The following SPEF2 variants were observed in gnomAD, a reference collection of about 807,000 sequenced individuals.
SPEF2 encodes sperm flagellar and cilia associated 2.
SPEF2 carries 187 observed loss-of-function variants against 224.6 expected under a neutral mutation model. The observed-to-expected ratio is 0.83, with a 90% CI of 0.74 to 0.94. The LOEUF is 0.94. SPEF2 is among the 40% of genes least tolerant of loss of function. The pLI, the probability that SPEF2 is intolerant of heterozygous loss-of-function variation, is 0.00. For synonymous variants in SPEF2, 715 were observed against 707.3 expected (o/e 1.01, Z -0.17); for missense variants, 2,170 against 2,135.6 (o/e 1.02, Z -0.32).
intron 2 of SPEF2, among the ~76,000 whole-genome samples, chr5:35,635,796 CAT>C (rs1436018772): frequency 6.6e-6 from 1 of 152,160 alleles, no homozygotes; most frequent in African/African-American, 2.4e-5. Flanking sequence ...GCTTCAGCCT[CAT>C]AGAGTGTTTA....
At chr5:35,726,856 T>C (rs1346263576) in intron 20 of SPEF2, among the ~76,000 whole-genome samples, 1 of 152,194 alleles carries the variant, frequency 6.6e-6, no homozygotes, top group East Asian at 1.9e-4. Context: ...AGGTTGTTCA[T>C]ACCATAGGGC....
intron 24 of SPEF2, among the ~76,000 whole-genome samples, chr5:35,758,195 T>A (rs1750720378): frequency 6.6e-6 from 1 of 152,172 alleles, no homozygotes; most frequent in Admixed American, 6.5e-5. Context: ...TAGATAAGGC[T>A]TTGAACATTA....
chr5:35,631,436 A>T (rs866020841), intron 2 of SPEF2, among the ~76,000 whole-genome samples: 4 of 152,204 alleles, frequency 2.6e-5, no homozygotes, highest in African/African-American at 7.2e-5. Flanking sequence ...ACCCACTAGG[A>T]TGGCTATAGG....
intron 8 of SPEF2, among the ~76,000 whole-genome samples, chr5:35,660,871 A>C (rs1749598878): frequency 6.6e-6 from 1 of 152,150 alleles, no homozygotes; most frequent in Non-Finnish European, 1.5e-5. Flanking sequence ...GAGGACCGGA[A>C]CAGTTGGGCC....
intron 34 of SPEF2, among the ~76,000 whole-genome samples, chr5:35,803,700 T>C (rs1357181160): frequency 1.3e-5 from 2 of 152,240 alleles, no homozygotes; most frequent in Non-Finnish European, 2.9e-5. Flanking sequence ...TGGGCAACCC[T>C]GTCCCAGGAA....
At chr5:35,668,109 A>T (rs1372692640) in intron 9 of SPEF2, among the ~76,000 whole-genome samples, 1 of 152,174 alleles carries the variant, frequency 6.6e-6, no homozygotes, top group Non-Finnish European at 1.5e-5. Context: ...GCAATTTCTT[A>T]AAAAGCAGAA....
Position 35,779,311 on chromosome 5 carries a change from GTCT to G in SPEF2, c.4415_4417del (p.Leu1472del). 6.2e-7 allele frequency: 1 copy of G among 1,612,870 alleles called. No individual in the cohort carries two copies. The highest frequency in any genetic ancestry group is 8.5e-7 in the Non-Finnish European group (1 of 1,179,604). On this transcript the variant is annotated inframe_deletion, in exon 30 of 37. Transcript: ENST00000356031. ...ACCCTGACCATTGAACAGCTTGACAGTCTTCGAGATCAGTTCTTAGATATGGCA... is the reference window on the plus strand; with the variant it reads ...ACCCTGACCATTGAACAGCTTGACAGTCGAGATCAGTTCTTAGATATGGCA...
At chr5:35,632,517 C>G (rs1745281006) in intron 2 of SPEF2, among the ~76,000 whole-genome samples, 1 of 152,120 alleles carries the variant, frequency 6.6e-6, no homozygotes, top group African/African-American at 2.4e-5. Flanking sequence ...GATTGCAGTT[C>G]AAGATGAGAT....
chr5:35,784,111 C>A (rs1254973942), intron 30 of SPEF2, among the ~76,000 whole-genome samples: 1 of 151,832 alleles, frequency 6.6e-6, no homozygotes, highest in Admixed American at 6.6e-5. Context: ...TCTTTGAACC[C>A]CTTTTGGAGA....
rs981503911 is a variant in SPEF2 at position 35,807,871 on chromosome 5, C to G, written c.5379+618C>G. 4.8e-5 allele frequency: 72 copies of G among 1,489,756 alleles called. No individual in the cohort carries two copies. In the African/African-American group the frequency reaches 9.0e-4, roughly 19 times the overall value. 92.3% of individuals were successfully genotyped at this position (1,489,756 alleles called of 1,614,324 possible). ...ATGGCGAGTCCCAGGCCTTTAACAG[C>G]AGGGACTAAGGAGGGCAGAGGCTGA... On this transcript the variant is annotated intron_variant, in intron 36 of 36. Transcript: ENST00000356031.
At chr5:35,754,938 A>G (rs1034119980) in intron 24 of SPEF2, among the ~76,000 whole-genome samples, 4 of 152,256 alleles carry the variant, frequency 2.6e-5, no homozygotes, top group Admixed American at 2.6e-4. Context: ...CTTTTCATCA[A>G]AGGACCAATA....
intron 26 of SPEF2, among the ~76,000 whole-genome samples, chr5:35,770,008 TGTGTGTGTGTGTGTGCATGTGC>T (rs1202285100): frequency 2.2e-5 from 3 of 138,200 alleles, no homozygotes; most frequent in Non-Finnish European, 4.5e-5. Context: ...TGTGTGTGTG[TGTGTGTGTGTGTGTGCATGTGC>T]GTGTGTGTGT....
intron 18 of SPEF2, 69 bp from the exon 19 acceptor site, chr5:35,708,879 C>G: frequency 7.3e-7 from 1 of 1,366,040 alleles, no homozygotes; most frequent in Admixed American, 2.2e-5. Flanking sequence ...TTAGATTTCT[C>G]TTAGTTCAAG....
chr5:35,654,251 C>A (rs1748636894), intron 6 of SPEF2, among the ~76,000 whole-genome samples: 1 of 147,842 alleles, frequency 6.8e-6, no homozygotes. Context: ...AAGAGCAAAA[C>A]TTTATCTCAA....
In SPEF2 at chr5:35,641,432, G is replaced by A; in HGVS notation, c.163G>A (p.Val55Ile). The A allele has an allele frequency of 6.2e-7, 1 of 1,611,588 alleles. No homozygotes were observed. Among genetic ancestry groups the A allele is most frequent in the Non-Finnish European group, 8.5e-7 (1 of 1,178,898 alleles). The change falls in exon 3 of 37, where the codon GTT (valine) becomes ATT (isoleucine). Residue 55 changes from valine to isoleucine, a missense_variant and splice_region_variant. Coordinates refer to ENST00000356031, the MANE Select transcript of SPEF2 (RefSeq NM_024867.4). ...TATGTAAAATATTTTACTGTCCAGG[G>A]TTTCAAGTGCCAAACTTAATAATTT... Reference protein sequence around the residue: ...DDFSEFLDSRVSSAKLNNFSR... With the variant: ...DDFSEFLDSRISSAKLNNFSR...
intron 14 of SPEF2, 68 bp from the exon 15 acceptor site, chr5:35,697,622 T>G: frequency 7.8e-7 from 1 of 1,282,726 alleles, no homozygotes; most frequent in Non-Finnish European, 1.1e-6. Flanking sequence ...AATTAACTTT[T>G]CCTCCAAATG....
intron 20 of SPEF2, among the ~76,000 whole-genome samples, chr5:35,717,087 C>T (rs192784663): frequency 2.0e-5 from 3 of 152,118 alleles, no homozygotes; most frequent in South Asian, 2.1e-4. Context: ...TATAGCCTTA[C>T]CCAGGAGAGA....
At chr5:35,724,470 G>A (rs983899721) in intron 20 of SPEF2, among the ~76,000 whole-genome samples, 2 of 152,110 alleles carry the variant, frequency 1.3e-5, no homozygotes, top group African/African-American at 4.8e-5. Context: ...GTAAATAGTA[G>A]TATAAGAACT....
intron 25 of SPEF2, among the ~76,000 whole-genome samples, chr5:35,761,744 T>G (rs1388452787): frequency 6.6e-6 from 1 of 152,102 alleles, no homozygotes; most frequent in East Asian, 1.9e-4. Flanking sequence ...GAGGCCAAAT[T>G]TCAATGTCGA....
Sources: gnomAD v4.1 joint callset for allele counts (sites outside exome capture counted in the v4.1 genomes callset) on GRCh38, gnomAD v4.1.1 for gene constraint, MANE v1.5 for transcripts, NCBI Gene and HGNC (gene_info 2026-07-23, HGNC 2026-07-21) for gene names.